The following SHISA9 variants were observed in gnomAD, a reference collection of about 807,000 sequenced individuals.
SHISA9 encodes shisa family member 9.
A neutral mutation model predicts 38.0 loss-of-function variants in SHISA9; 13 were observed. The ratio of observed to expected loss-of-function variants is 0.34; its 90% confidence interval spans 0.22 to 0.54. The LOEUF (loss-of-function observed/expected upper bound fraction) is 0.54, where lower values mean the gene tolerates loss of function less well. SHISA9 is among the 20% of genes least tolerant of loss of function. The probability of loss-of-function intolerance (pLI) is 0.91; values close to 1 mark genes in which losing one functional copy is unlikely to be tolerated. For missense variants in SHISA9, 538 were observed against 575.8 expected, an observed-to-expected ratio of 0.93 and a Z score of 0.67; for synonymous variants, 275 against 242.0, an observed-to-expected ratio of 1.14 and a Z score of -1.27.
At chr16:13,234,957 ACTCTCTCTCTCTCTCT>A (rs71147791) in intron 4 of SHISA9, 57 bp from the exon 5 acceptor site, 3 of 1,324,754 alleles carry the variant, frequency 2.3e-6, no homozygotes, top group African/African-American at 3.6e-5. Flanking sequence ...CCAGTCTCTA[ACTCTCTCTCTCTCTCT>A]CTCTCTCTCT....
At chr16:12,990,548 C>G (rs2072371248) in intron 2 of SHISA9, among the ~76,000 whole-genome samples, 1 of 152,164 alleles carries the variant, frequency 6.6e-6, no homozygotes, top group Non-Finnish European at 1.5e-5. Context: ...TATACTTGGA[C>G]ATTTAGGAGG....
the SHISA9 span, among the ~76,000 whole-genome samples, chr16:13,514,282 T>G: frequency 2.0e-5 from 3 of 151,690 alleles, no homozygotes; most frequent in African/African-American, 7.3e-5. Flanking sequence ...CTTGAGCCAC[T>G]GCACCCAGCC....
At chr16:13,328,991 C>T in the SHISA9 span, among the ~76,000 whole-genome samples, 1 of 152,052 alleles carries the variant, frequency 6.6e-6, no homozygotes, top group Non-Finnish European at 1.5e-5. Context: ...CGTTGAATGC[C>T]GGCAGTTGTG....
At chr16:13,488,898 A>T in the SHISA9 span, among the ~76,000 whole-genome samples, 371 of 152,154 alleles carry the variant, frequency 2.4e-3, 2 homozygotes, top group Middle Eastern at 0.01. Flanking sequence ...AGTAGCTGGG[A>T]CTACAGGCGC....
At chr16:13,060,661 A>C (rs2073364348) in intron 2 of SHISA9, among the ~76,000 whole-genome samples, 1 of 129,386 alleles carries the variant, frequency 7.7e-6, no homozygotes. Context: ...AAAAAAAAAA[A>C]CACTCAAAAT....
the SHISA9 span, among the ~76,000 whole-genome samples, chr16:13,522,866 A>G: frequency 6.6e-6 from 1 of 152,184 alleles, no homozygotes; most frequent in Non-Finnish European, 1.5e-5. Flanking sequence ...GAAGTCCTAG[A>G]AACAGGGGGA....
the SHISA9 span, among the ~76,000 whole-genome samples, chr16:13,515,649 C>T: frequency 6.6e-6 from 1 of 152,228 alleles, no homozygotes; most frequent in African/African-American, 2.4e-5. Context: ...ACACCAAGGT[C>T]TTATAGATAG....
chr16:13,269,323 G>A, the SHISA9 span, among the ~76,000 whole-genome samples: 6 of 152,206 alleles, frequency 3.9e-5, no homozygotes, highest in African/African-American at 1.4e-4. Context: ...CAACCTCTCT[G>A]AGCCTTACTT....
chr16:13,488,814 T>G, the SHISA9 span, among the ~76,000 whole-genome samples: 11 of 152,338 alleles, frequency 7.2e-5, no homozygotes, highest in African/African-American at 2.4e-4. Context: ...CAGGCTGGAG[T>G]GCAGTGGCGC....
Position 13,235,358 on chromosome 16 carries a change from AC to A in SHISA9, c.1229del (p.Pro410HisfsTer13), listed in dbSNP as rs1567260100. 1 of 1,540,596 alleles carries A rather than the reference AC, an allele frequency of 6.5e-7. No individual in the cohort carries two copies. Among genetic ancestry groups the A allele is most frequent in the Non-Finnish European group, 8.7e-7 (1 of 1,146,728 alleles). ...TGGGAACTCGCCCCCAGCACTACCCACCCCCACAGCCATACTTCATCACCAA... is the reference window on the plus strand; with the variant it reads ...TGGGAACTCGCCCCCAGCACTACCCACCCCACAGCCATACTTCATCACCAA... ...PLGTRPQHYP[P>X]PQPYFITNSK... On this transcript the variant is annotated frameshift_variant, in exon 5 of 5. Transcript: ENST00000558583. LOFTEE classifies it high-confidence loss of function.
At position 13,239,914 on chromosome 16, in the gene SHISA9, C is replaced by A. The variant is rs905937789; in HGVS notation, c.*4505C>A. Reference sequence around the variant, plus strand: ...TCACAATATGGAAAGACGGGACAACCTATGGAACTATCTGTGACTTCCATG... The same window carrying A: ...TCACAATATGGAAAGACGGGACAACATATGGAACTATCTGTGACTTCCATG... On this transcript the variant is annotated 3_prime_UTR_variant, in exon 5 of 5. Transcript: ENST00000558583. 1 of 152,218 alleles carries A rather than the reference C, an allele frequency of 6.6e-6. No homozygotes were observed. Among genetic ancestry groups the A allele is most frequent in the African/African-American group, 2.4e-5 (1 of 41,454 alleles). The allele number at this position is 152,218 out of a possible 1,614,324, so 9.4% of individuals were successfully genotyped here.
intron 2 of SHISA9, among the ~76,000 whole-genome samples, chr16:13,148,279 T>A (rs2050465540): frequency 6.6e-6 from 1 of 152,034 alleles, no homozygotes; most frequent in African/African-American, 2.4e-5. Context: ...GTGAAGTATG[T>A]CCACCACACA....
At chr16:13,014,583 G>C (rs1157052551) in intron 2 of SHISA9, among the ~76,000 whole-genome samples, 1 of 152,188 alleles carries the variant, frequency 6.6e-6, no homozygotes, top group African/African-American at 2.4e-5. Context: ...ACTCCAGAAT[G>C]AGCATGAACA....
At chr16:13,127,985 C>G (rs8060615) in intron 2 of SHISA9, among the ~76,000 whole-genome samples, 1 of 152,172 alleles carries the variant, frequency 6.6e-6, no homozygotes, top group African/African-American at 2.4e-5. Flanking sequence ...TTTTCTCTGG[C>G]TCAATAGGCC....
chr16:13,028,128 G>A (rs1388268773), intron 2 of SHISA9, among the ~76,000 whole-genome samples: 3 of 151,904 alleles, frequency 2.0e-5, no homozygotes, highest in African/African-American at 7.3e-5. Flanking sequence ...TCTCTTGATT[G>A]TCATGGTGGT....
At position 12,970,326 on chromosome 16, in the gene SHISA9, CATAT is replaced by C. The variant is rs61455008; in HGVS notation, c.691+53525_691+53528del. On this transcript the variant is annotated intron_variant, in intron 2 of 4. Transcript: ENST00000558583. Reference sequence around the variant, plus strand: ...CTATCTCTCACTAGGGGTATATATACATATATATATATATATACATATATGTGTA... The same window carrying C: ...CTATCTCTCACTAGGGGTATATATACATATATATATATACATATATGTGTA... Among the ~76,000 whole-genome samples, 55 of 73,588 alleles carry C rather than the reference CATAT, an allele frequency of 7.5e-4. 2 individuals are homozygous for C. The highest frequency in any genetic ancestry group is 2.5e-3 in the African/African-American group (44 of 17,812). The allele number at this position is 73,588 out of a possible 152,430, so 48.3% of individuals were successfully genotyped here.
At chr16:13,299,441 C>T in the SHISA9 span, among the ~76,000 whole-genome samples, 22 of 152,198 alleles carry the variant, frequency 1.4e-4, no homozygotes, top group South Asian at 3.7e-3. Context: ...AGTCAAATCC[C>T]GGTGGCTCAT....
intron 2 of SHISA9, among the ~76,000 whole-genome samples, chr16:13,198,368 A>G (rs1384456028): frequency 6.6e-6 from 1 of 151,452 alleles, no homozygotes; most frequent in African/African-American, 2.4e-5. Context: ...TTGTATGTGT[A>G]TGTACATATG....
chr16:13,234,917 C>G (rs2051366168), intron 4 of SHISA9, 113 bp from the exon 5 acceptor site: 5 of 1,292,206 alleles, frequency 3.9e-6, no homozygotes, highest in Non-Finnish European at 4.2e-6. Context: ...GACTGTTGGC[C>G]CATTTTTATG....
Sources: gnomAD v4.1 joint callset for allele counts (sites outside exome capture counted in the v4.1 genomes callset) on GRCh38, gnomAD v4.1.1 for gene constraint, MANE v1.5 for transcripts, NCBI Gene and HGNC (gene_info 2026-07-23, HGNC 2026-07-21) for gene names.